CSNK1D: variants seen among roughly 807,000 people sequenced by gnomAD.
CSNK1D encodes the protein casein kinase 1 delta, also known as casein kinase I isoform delta.
CSNK1D carries 16 observed loss-of-function variants against 46.6 expected under a neutral mutation model. That is an observed-to-expected ratio of 0.34 (90% CI 0.23 to 0.52). CSNK1D has a LOEUF of 0.52. Among genes scored for constraint, CSNK1D ranks in the 20% least tolerant of loss-of-function variants. The probability of loss-of-function intolerance (pLI) is 0.95; values close to 1 mark genes in which losing one functional copy is unlikely to be tolerated. For synonymous variants in CSNK1D, 276 were observed against 228.2 expected, an observed-to-expected ratio of 1.21 and a Z score of -1.89; for missense variants, 398 against 578.4, an observed-to-expected ratio of 0.69 and a Z score of 3.20.
At chr17:82,272,458 CCATT>C (rs1314873171) in intron 1 of CSNK1D, 1 of 152,278 alleles carries the variant, frequency 6.6e-6, no homozygotes, top group Non-Finnish European at 1.5e-5. Context: ...CCTTCTAATC[CCATT>C]GTTTTTGAAA....
At position 82,249,193 on chromosome 17, in the gene CSNK1D, C is replaced by G. The variant is rs769966888; in HGVS notation, c.1058-179G>C. ...GGAGGGACACAAAGGGACATGGGAG[C>G]GAGGTCAAGGGGCTCACAGGGGAGG... On this transcript the variant is annotated intron_variant, in intron 7 of 8. Transcript: ENST00000314028. The surrounding 1 kb of genome is among the most constrained non-coding windows in gnomAD (Gnocchi z 6.7). 1.2e-6 allele frequency: 1 copy of G among 845,972 alleles called. No homozygotes were observed. The highest frequency in any genetic ancestry group is 1.8e-6 in the Non-Finnish European group (1 of 555,292). The allele number at this position is 845,972 out of a possible 1,614,324, so 52.4% of individuals were successfully genotyped here.
Position 82,249,946 on chromosome 17 carries a change from G to A in CSNK1D, c.886-344C>T, listed in dbSNP as rs111979538. On this transcript the variant is annotated intron_variant, in intron 6 of 8. Transcript: ENST00000314028. The surrounding 1 kb of genome is among the most constrained non-coding windows in gnomAD (Gnocchi z 6.7). ...CTAACACGTGCAGAAAGAGGAGAGG[G>A]ACAGGAACCATCGGAGGCCAAAGAC... The A allele has an allele frequency of 2.0e-4, 257 of 1,272,728 alleles. No individual in the cohort carries two copies. The African/African-American group carries it at 3.4e-3, about 17-fold the overall frequency. 78.8% of individuals were successfully genotyped at this position (1,272,728 alleles called of 1,614,324 possible).
chr17:82,268,040 G>A (rs2051523406), intron 1 of CSNK1D, among the ~76,000 whole-genome samples: 3 of 152,218 alleles, frequency 2.0e-5, no homozygotes, highest in Admixed American at 2.0e-4. Context: ...ACCTCTCGCT[G>A]TGCAAGCACA....
Position 82,249,801 on chromosome 17 carries a change from C to A in CSNK1D, c.886-199G>T. The A allele has an allele frequency of 6.9e-7, 1 of 1,440,022 alleles. No individual in the cohort carries two copies. The highest frequency in any genetic ancestry group is 1.4e-5 in the African/African-American group (1 of 70,028). 89.2% of individuals were successfully genotyped at this position (1,440,022 alleles called of 1,614,324 possible). A position where few individuals can be genotyped will look rare whatever the true frequency, so the allele number is the denominator to read the frequency against. ...CCCACAAGGGGTCAGAGCCAGGCCT[C>A]TCAGCTCCCCCAACAATCGAAAAAA... is the stretch of plus-strand genomic sequence containing the variant. On this transcript the variant is annotated intron_variant, in intron 6 of 8. Transcript: ENST00000314028. This position sits in a 1 kb window ranked among gnomAD's most constrained non-coding sequence, Gnocchi z 6.7.
intron 1 of CSNK1D, among the ~76,000 whole-genome samples, chr17:82,268,695 C>T (rs1259441229): frequency 1.3e-5 from 2 of 152,232 alleles, no homozygotes; most frequent in African/African-American, 4.8e-5. Flanking sequence ...TGCAGCTCAA[C>T]AATCCTGGTC....
intron 8 of CSNK1D, chr17:82,246,350 C>T: frequency 7.7e-7 from 1 of 1,297,820 alleles, no homozygotes; most frequent in Non-Finnish European, 9.9e-7. Context: ...GCTGGGCAGC[C>T]CCACAACTGG....
chr17:82,243,458 C>T lies in CSNK1D; in HGVS notation c.*1323G>A. The stretch of plus-strand genomic sequence containing the variant: ...TCCTGGGAACCTCAGGGCACAGCAG[C>T]ATGGAGCCTGGGGCAGCACCAGCTC... On this transcript the variant is annotated 3_prime_UTR_variant, in exon 9 of 9. Coordinates refer to ENST00000314028, the MANE Select transcript of CSNK1D (RefSeq NM_001893.6). The T allele has an allele frequency of 1.0e-6, 1 of 985,524 alleles. No individual in the cohort carries two copies. The highest frequency in any genetic ancestry group is 1.2e-6 in the Non-Finnish European group (1 of 829,982). The allele number at this position is 985,524 out of a possible 1,614,324, so 61.0% of individuals were successfully genotyped here.
In CSNK1D at chr17:82,242,802, C is replaced by G; in HGVS notation, c.*1979G>C. ...CGACGTCCTACCTACGTCTCCTGCA[C>G]GGGGCGACGGGGACTAGATACTGGG... On this transcript the variant is annotated 3_prime_UTR_variant, in exon 9 of 9. Transcript: ENST00000314028. 6 of 985,494 alleles carry G rather than the reference C, an allele frequency of 6.1e-6. No individual in the cohort carries two copies. The highest frequency in any genetic ancestry group is 7.2e-6 in the Non-Finnish European group (6 of 829,948). 61.0% of individuals were successfully genotyped at this position (985,494 alleles called of 1,614,324 possible). A position where few individuals can be genotyped will look rare whatever the true frequency, so the allele number is the denominator to read the frequency against.
In CSNK1D at chr17:82,242,897, G is replaced by GC. The variant is rs1430716714; in HGVS notation, c.*1883dup. On this transcript the variant is annotated 3_prime_UTR_variant, in exon 9 of 9. Transcript: ENST00000314028. ...CGGGCTGGAACCCGGGCGCAGAGCT[G>GC]CCTCGCACAAACGTTCTGGGCACTA... The GC allele has an allele frequency of 1.0e-6, 1 of 985,344 alleles. No individual in the cohort carries two copies. 61.0% of individuals were successfully genotyped at this position (985,344 alleles called of 1,614,324 possible). A position where few individuals can be genotyped will look rare whatever the true frequency, so the allele number is the denominator to read the frequency against.
Position 82,252,964 on chromosome 17 carries a change from T to C in CSNK1D, c.565+52A>G. 3.9e-6 allele frequency: 6 copies of C among 1,530,308 alleles called. No homozygotes were observed. Among genetic ancestry groups the C allele is most frequent in the Non-Finnish European group, 5.4e-6 (6 of 1,106,918 alleles). 94.8% of individuals were successfully genotyped at this position (1,530,308 alleles called of 1,614,324 possible). On this transcript the variant is annotated intron_variant, in intron 4 of 8. Transcript: ENST00000314028. This position sits in a 1 kb window ranked among gnomAD's most constrained non-coding sequence, Gnocchi z 4.6. ...GCTGGCCTCTCCCTGGGCTGAGGCATGGACGCGCCCAAAGGCACCCCAGGT... is the reference window on the plus strand; with the variant it reads ...GCTGGCCTCTCCCTGGGCTGAGGCACGGACGCGCCCAAAGGCACCCCAGGT...
chr17:82,251,351 C>T lies in CSNK1D; in HGVS notation c.885+28G>A. The T allele has an allele frequency of 6.2e-7, 1 of 1,613,862 alleles. No individual in the cohort carries two copies. Among genetic ancestry groups the T allele is most frequent in the Non-Finnish European group, 8.5e-7 (1 of 1,179,842 alleles). On this transcript the variant is annotated intron_variant, in intron 6 of 8. Transcript: ENST00000314028. The surrounding 1 kb of genome is among the most constrained non-coding windows in gnomAD (Gnocchi z 4.5). ...CAAGCCATCCCCCGCACACCACACT[C>T]AGCGAACGTGCTGGCAGTGCGACTT... is the stretch of plus-strand genomic sequence containing the variant.
downstream of CSNK1D, chr17:82,239,967 C>T: frequency 3.2e-6 from 4 of 1,232,494 alleles, no homozygotes; most frequent in Non-Finnish European, 3.0e-6. Context: ...TCAGAGGCCG[C>T]CGGGGCCCTC....
In CSNK1D at chr17:82,248,258, A is replaced by C; in HGVS notation, c.1197+617T>G. 1.0e-6 allele frequency: 1 copy of C among 986,364 alleles called. No individual in the cohort carries two copies. Among genetic ancestry groups the C allele is most frequent in the Non-Finnish European group, 1.2e-6 (1 of 830,544 alleles). The allele number at this position is 986,364 out of a possible 1,614,324, so 61.1% of individuals were successfully genotyped here. On this transcript the variant is annotated intron_variant, in intron 8 of 8. Coordinates refer to ENST00000314028, the MANE Select transcript of CSNK1D (RefSeq NM_001893.6). The surrounding 1 kb of genome is among the most constrained non-coding windows in gnomAD (Gnocchi z 4.1). Reference sequence around the variant, plus strand: ...TCAAAGAGCACGTTAGCAAACGCAAAAGACAACAAAAGCCAGAGCGAGGAG... The same window carrying C: ...TCAAAGAGCACGTTAGCAAACGCAACAGACAACAAAAGCCAGAGCGAGGAG...
chr17:82,248,770 TG>T lies in CSNK1D; in HGVS notation c.1197+104del. On this transcript the variant is annotated intron_variant, in intron 8 of 8. Coordinates refer to ENST00000314028, the MANE Select transcript of CSNK1D (RefSeq NM_001893.6). The surrounding 1 kb of genome is among the most constrained non-coding windows in gnomAD (Gnocchi z 4.1). ...TGGCGAGATTAAAAACTCTCAAAAA[TG>T]GGGGGAAGAAAGGAAAGAAGAAGCC... The T allele has an allele frequency of 1.3e-6, 2 of 1,526,724 alleles. No individual in the cohort carries two copies. The highest frequency in any genetic ancestry group is 1.8e-6 in the Non-Finnish European group (2 of 1,139,110). 94.6% of individuals were successfully genotyped at this position (1,526,724 alleles called of 1,614,324 possible).
intron 8 of CSNK1D, chr17:82,246,207 C>G (rs764226648): frequency 1.5e-5 from 23 of 1,521,238 alleles, no homozygotes; most frequent in Non-Finnish European, 1.9e-5. Flanking sequence ...CCTCTCAGGA[C>G]GGGCCTCTGG....
downstream of CSNK1D, chr17:82,239,617 G>A (rs2050711084): frequency 4.1e-6 from 1 of 244,160 alleles, no homozygotes; most frequent in South Asian, 1.8e-4. Flanking sequence ...TCGTAGCAGG[G>A]GCAGGCGCTG....
At position 82,255,926 on chromosome 17, in the gene CSNK1D, T is replaced by C. The variant is rs963006497; in HGVS notation, c.188-349A>G. Among the ~76,000 whole-genome samples, 52 of 151,906 alleles carry C rather than the reference T, an allele frequency of 3.4e-4. No individual in the cohort carries two copies. The highest frequency in any genetic ancestry group is 1.1e-3 in the African/African-American group (47 of 41,314). ...TGTGGGAAAGAAAAGAGCTCAGGCA[T>C]AAAGGAGCAGCAGAGCCCGCCAGAA... On this transcript the variant is annotated intron_variant, in intron 2 of 8. Coordinates refer to ENST00000314028, the MANE Select transcript of CSNK1D (RefSeq NM_001893.6). This position sits in a 1 kb window ranked among gnomAD's most constrained non-coding sequence, Gnocchi z 5.9.
chr17:82,247,527 C>T (rs1308802172), intron 8 of CSNK1D: 11 of 985,376 alleles, frequency 1.1e-5, no homozygotes, highest in Non-Finnish European at 1.2e-5. Flanking sequence ...GGTCAGCACC[C>T]AGCATGGGGA....
downstream of CSNK1D, among the ~76,000 whole-genome samples, chr17:82,240,343 G>C (rs1350340383): frequency 6.6e-6 from 1 of 152,148 alleles, no homozygotes; most frequent in Non-Finnish European, 1.5e-5. Context: ...AGCAGACGAG[G>C]AGGTGGGGAG....
Sources: allele counts gnomAD v4.1 joint callset (sites outside exome capture counted in the v4.1 genomes callset), GRCh38; gene constraint gnomAD v4.1.1; non-coding constraint Gnocchi (gnomAD v3.1); transcripts MANE v1.5; gene names NCBI Gene and HGNC (gene_info 2026-07-23, HGNC 2026-07-21).